ARV1: variants seen among roughly 807,000 people sequenced by gnomAD.
The protein encoded by ARV1 is protein ARV1.
In ARV1, 26 loss-of-function variants were observed where a neutral mutation model predicts 31.1. The ratio of observed to expected loss-of-function variants is 0.84; its 90% CI spans 0.61 to 1.16. The LOEUF is 1.16. Among genes scored for constraint, ARV1 ranks in the 50% most tolerant of loss-of-function variants. The probability of loss-of-function intolerance (pLI) is 0.00; values close to 1 mark genes in which losing one functional copy is unlikely to be tolerated. For missense variants in ARV1, 281 were observed against 324.9 expected, an observed-to-expected ratio of 0.86 and a Z score of 1.04; for synonymous variants, 117 against 123.2, an observed-to-expected ratio of 0.95 and a Z score of 0.34.
chr1:230,980,025 C>T (rs116503999), intron 1 of ARV1, among the ~76,000 whole-genome samples: 158 of 152,254 alleles, frequency 1.0e-3, no homozygotes, highest in Non-Finnish European at 1.8e-3. Flanking sequence ...CATTTCAGAT[C>T]TTGTGATTTT....
At chr1:230,986,618 G>A (rs979881277) in intron 1 of ARV1, among the ~76,000 whole-genome samples, 5 of 148,002 alleles carry the variant, frequency 3.4e-5, no homozygotes, top group East Asian at 2.0e-4. Flanking sequence ...ACCATCCATC[G>A]GAACACGTTT....
chr1:230,996,122 T>C (rs1032786263), intron 4 of ARV1, 138 bp downstream of exon 4: 6 of 650,972 alleles, frequency 9.2e-6, no homozygotes, highest in Non-Finnish European at 1.6e-5. Context: ...CTAACACTTC[T>C]ATAGCACCTT....
chr1:230,995,592 A>AT (rs1166684870), intron 3 of ARV1, among the ~76,000 whole-genome samples, 168 bp from the exon 4 acceptor site: 2 of 149,960 alleles, frequency 1.3e-5, no homozygotes, highest in East Asian at 3.9e-4. Context: ...TAAAAAAAAA[A>AT]AACAACACAC....
At chr1:230,989,501 T>C (rs1679173140) in intron 2 of ARV1, among the ~76,000 whole-genome samples, 2 of 152,180 alleles carry the variant, frequency 1.3e-5, no homozygotes, top group Admixed American at 1.3e-4. Context: ...AAAAAGCCAA[T>C]TTTTGTTGCC....
intron 1 of ARV1, among the ~76,000 whole-genome samples, chr1:230,983,150 C>T (rs924869452): frequency 3.3e-5 from 5 of 152,158 alleles, no homozygotes; most frequent in African/African-American, 7.2e-5. Flanking sequence ...CACGGTGGCT[C>T]ATGCCTGTAA....
chr1:230,988,564 G>T, intron 2 of ARV1, 125 bp downstream of exon 2: 1 of 814,464 alleles, frequency 1.2e-6, no homozygotes, highest in East Asian at 3.3e-5. Context: ...ATGTGAGAGT[G>T]GGTCTTTTAT....
chr1:230,986,405 A>G (rs1423707609), intron 1 of ARV1, among the ~76,000 whole-genome samples: 1 of 152,006 alleles, frequency 6.6e-6, no homozygotes, highest in East Asian at 1.9e-4. Flanking sequence ...AGTGCCCTTC[A>G]TTTTTCTTCC....
intron 1 of ARV1, among the ~76,000 whole-genome samples, chr1:230,984,359 T>TGTGTGCGC (rs71179756): frequency 5.3e-3 from 496 of 93,514 alleles, no homozygotes; most frequent in Non-Finnish European, 8.6e-3. Context: ...TGTGTGTGTG[T>TGTGTGCGC]GTGCGTGTGT....
At chr1:230,998,151 C>T (rs1400207163) in intron 5 of ARV1, among the ~76,000 whole-genome samples, 1 of 152,184 alleles carries the variant, frequency 6.6e-6, no homozygotes, top group Non-Finnish European at 1.5e-5. Flanking sequence ...TCCCCTCCCT[C>T]CAGTCACAGC....
At chr1:230,998,674 G>A (rs568117722) in intron 5 of ARV1, among the ~76,000 whole-genome samples, 1 of 151,988 alleles carries the variant, frequency 6.6e-6, no homozygotes, top group East Asian at 1.9e-4. Flanking sequence ...GGGAGGCCGA[G>A]TCAGGAAGAT....
At chr1:230,984,345 T>TGTGTGTGC (rs1678991508) in intron 1 of ARV1, among the ~76,000 whole-genome samples, 1 of 59,356 alleles carries the variant, frequency 1.7e-5, no homozygotes, top group Non-Finnish European at 3.3e-5. Context: ...GTTTGTTTCG[T>TGTGTGTGC]GTGTGTGTGT....
chr1:231,000,300 C>T lies in ARV1; in HGVS notation c.*167C>T, dbSNP rs1679489112. ...GATAATAGCGGTGGATACCCACCCC[C>T]ACAAATGCACCCAAGAGACAAGCCA... On this transcript the variant is annotated 3_prime_UTR_variant, in exon 6 of 6. Transcript: ENST00000310256. The T allele has an allele frequency of 6.6e-6, 1 of 152,192 alleles. No individual in the cohort carries two copies. The highest frequency in any genetic ancestry group is 6.5e-5 in the Admixed American group (1 of 15,278). The allele number at this position is 152,192 out of a possible 1,614,324, so 9.4% of individuals were successfully genotyped here.
intron 5 of ARV1, among the ~76,000 whole-genome samples, chr1:230,998,829 T>C (rs960158457): frequency 2.6e-5 from 4 of 152,062 alleles, no homozygotes; most frequent in African/African-American, 9.7e-5. Context: ...GATGATTGCT[T>C]GAGCCCATGA....
At chr1:230,999,057 CT>C (rs1572345341) in intron 5 of ARV1, among the ~76,000 whole-genome samples, 2 of 152,180 alleles carry the variant, frequency 1.3e-5, no homozygotes, top group Non-Finnish European at 2.9e-5. Flanking sequence ...TCTTCACTGA[CT>C]TCTTTGCCTG....
intron 4 of ARV1, 132 bp downstream of exon 4, chr1:230,996,116 C>T (rs951600144): frequency 5.9e-6 from 4 of 673,992 alleles, no homozygotes; most frequent in Non-Finnish European, 1.0e-5. Flanking sequence ...TAATACCTAA[C>T]ACTTCTATAG....
Position 230,997,187 on chromosome 1 carries a change from T to A in ARV1, c.740T>A (p.Ile247Asn), listed in dbSNP as rs1231439689. Residue 247 changes from isoleucine (I) to asparagine (N), a missense_variant, in exon 5 of 6, where the codon ATC becomes AAC. By Grantham distance (149) the Ile-to-Asn change is moderately radical. Transcript: ENST00000310256. ...TTGAGTGGCTTACTGCTGGAAAGCA[T>A]CATGGTCTACTTCTTCCAGAGTATG... ...AVLSGLLLES[I>N]MVYFFQSMEW... The A allele has an allele frequency of 1.2e-6, 2 of 1,613,960 alleles. No individual in the cohort carries two copies. Among genetic ancestry groups the A allele is most frequent in the Middle Eastern group, 1.6e-4 (1 of 6,062 alleles).
At chr1:230,993,910 TA>T (rs1420434827) in intron 3 of ARV1, among the ~76,000 whole-genome samples, 4 of 152,166 alleles carry the variant, frequency 2.6e-5, no homozygotes, top group African/African-American at 4.8e-5. Context: ...ACTAAAAGAA[TA>T]TCTTACATAA....
At chr1:230,985,234 C>A (rs955903164) in intron 1 of ARV1, among the ~76,000 whole-genome samples, 3 of 152,194 alleles carry the variant, frequency 2.0e-5, no homozygotes, top group African/African-American at 7.2e-5. Context: ...GGGAAATGGG[C>A]AAAGCACACA....
rs34285543 is a variant in ARV1, at chr1:230,984,363, C to CGTGTGTGTGTGTGTGT, written c.175-3934_175-3919dup. On this transcript the variant is annotated intron_variant, in intron 1 of 5. Transcript: ENST00000310256. ...TGTTTCGTGTGTGTGTGTGTGTGTG[C>CGTGTGTGTGTGTGTGT]GTGTGTGTGTGTGTGTGTGTGTGTG... is the stretch of plus-strand genomic sequence containing the variant. Among the ~76,000 whole-genome samples, 9 of 129,762 alleles carry CGTGTGTGTGTGTGTGT rather than the reference C, an allele frequency of 6.9e-5. 1 individual carries two copies. The highest frequency in any genetic ancestry group is 1.7e-4 in the African/African-American group (6 of 35,082). The allele number at this position is 129,762 out of a possible 152,430, so 85.1% of individuals were successfully genotyped here.
Sources: gnomAD v4.1 joint callset for allele counts (sites outside exome capture counted in the v4.1 genomes callset) on GRCh38, gnomAD v4.1.1 for gene constraint, MANE v1.5 for transcripts, NCBI Gene and HGNC (gene_info 2026-07-23, HGNC 2026-07-21) for gene names.